GBP1: variants seen among roughly 807,000 people sequenced by gnomAD.
The protein encoded by GBP1 is guanylate-binding protein 1.
In GBP1, 64 loss-of-function variants were observed where a neutral mutation model predicts 69.5. The ratio of observed to expected loss-of-function variants is 0.92; its 90% CI spans 0.75 to 1.13. The LOEUF is 1.13. GBP1 is among the 50% of genes most tolerant of loss of function. GBP1 has a pLI of 0.00. For synonymous variants in GBP1, 250 were observed against 261.2 expected (o/e 0.96, Z 0.41); for missense variants, 630 against 704.1 (o/e 0.89, Z 1.19).
Position 89,053,241 on chromosome 1 carries a change from C to A in GBP1, c.*114G>T. On this transcript the variant is annotated 3_prime_UTR_variant, in exon 11 of 11. Coordinates refer to ENST00000370473, the MANE Select transcript of GBP1 (RefSeq NM_002053.3). Reference sequence around the variant, plus strand: ...TCATTGTACCACATGCCTTTATAAACTTTTGGTGTTATGATGCAAGATCTA... The same window carrying A: ...TCATTGTACCACATGCCTTTATAAAATTTTGGTGTTATGATGCAAGATCTA... The A allele has an allele frequency of 9.6e-6, 6 of 627,370 alleles. No homozygotes were observed. The highest frequency in any genetic ancestry group is 1.3e-5 in the Non-Finnish European group (5 of 377,128). The allele number at this position is 627,370 out of a possible 1,614,324, so 38.9% of individuals were successfully genotyped here. A position where few individuals can be genotyped will look rare whatever the true frequency, so the allele number is the denominator to read the frequency against.
intron 2 of GBP1, among the ~76,000 whole-genome samples, chr1:89,062,244 CA>C (rs1680219083): frequency 6.6e-6 from 1 of 152,064 alleles, no homozygotes; most frequent in Admixed American, 6.6e-5. Flanking sequence ...TTATAATAGA[CA>C]AAAGGTGGAA....
rs372508569 is a variant in GBP1 at position 89,060,285 on chromosome 1, C to T, written c.230G>A (p.Gly77Glu). The T allele has an allele frequency of 6.2e-5, 100 of 1,602,244 alleles. No homozygotes were observed. The highest frequency in any genetic ancestry group is 8.2e-5 in the Non-Finnish European group (96 of 1,175,206). Residue 77 changes from glycine to glutamate, a missense_variant, in exon 3 of 11, where the codon GGA becomes GAA. By Grantham distance (98) the Gly-to-Glu change is moderately conservative (BLOSUM62 -2). Coordinates refer to ENST00000370473, the MANE Select transcript of GBP1 (RefSeq NM_002053.3). ...GTGGGGCACACACCACATCCAGATT[C>T]CTTTAGTGTGAGACTGCACCGTGGA... The part of the protein sequence containing the change: ...LGSTVQSHTK[G>E]IWMWCVPHPK...
At chr1:89,059,521 GTT>G in intron 3 of GBP1, 95 bp from the exon 4 acceptor site, 1 of 1,061,418 alleles carries the variant, frequency 9.4e-7, no homozygotes, top group Non-Finnish European at 1.3e-6. Context: ...ATGTTAGAGG[GTT>G]TTTTTTTCTT....
At chr1:89,064,738 G>T (rs1680293599) in intron 1 of GBP1, among the ~76,000 whole-genome samples, 1 of 152,162 alleles carries the variant, frequency 6.6e-6, no homozygotes, top group Non-Finnish European at 1.5e-5. Flanking sequence ...TCCATGAAAA[G>T]AACCCGTTTG....
intron 2 of GBP1, among the ~76,000 whole-genome samples, chr1:89,061,986 T>TAA (rs142975286): frequency 6.9e-6 from 1 of 144,760 alleles, no homozygotes; most frequent in African/African-American, 2.5e-5. Context: ...ATGGCCACTA[T>TAA]AAAAAAAAAA....
intron 1 of GBP1, 76 bp downstream of exon 1, chr1:89,065,084 G>C (rs1411966513): frequency 6.6e-6 from 1 of 152,170 alleles, no homozygotes; most frequent in Non-Finnish European, 1.5e-5. Context: ...CAACCTTATA[G>C]GTTCCATATC....
chr1:89,063,041 T>G lies in GBP1; in HGVS notation c.190+4A>C, dbSNP rs772849896. 6.2e-7 allele frequency: 1 copy of G among 1,614,046 alleles called. No homozygotes were observed. The highest frequency in any genetic ancestry group is 1.1e-5 in the South Asian group (1 of 91,080). On this transcript the variant is annotated splice_donor_region_variant and intron_variant, in intron 2 of 10. Coordinates refer to ENST00000370473, the MANE Select transcript of GBP1 (RefSeq NM_002053.3). ...CTTGGCAGAGCTTTGCTCATGCCAC[T>G]CACCCTTTTTCTTTCCAGCCAGCTT...
In GBP1 at chr1:89,058,194, G is replaced by C; in HGVS notation, c.672C>G (p.Leu224=). ...TCTTTGGGAAGAATTTCCGGATACA[G>C]AGTCTGGGCAGGTTAAAAGTTTCAT... ...QKDETFNLPR[L]CIRKFFPKKK... is the part of the protein sequence containing the mutation. The change falls in exon 6 of 11, where the codon CTC becomes CTG. Residue 224 remains leucine, a synonymous_variant. Coordinates refer to ENST00000370473, the MANE Select transcript of GBP1 (RefSeq NM_002053.3). The C allele has an allele frequency of 1.2e-6, 2 of 1,612,100 alleles. No individual in the cohort carries two copies. Among genetic ancestry groups the C allele is most frequent in the South Asian group, 2.2e-5 (2 of 90,702 alleles).
intron 2 of GBP1, chr1:89,062,718 A>T (rs1394482109): frequency 4.6e-6 from 1 of 217,190 alleles, no homozygotes; most frequent in Non-Finnish European, 9.3e-6. Flanking sequence ...ATCACTGTGA[A>T]CTCTGTTATT....
chr1:89,057,447 T>C (rs1680075671), intron 6 of GBP1, among the ~76,000 whole-genome samples: 1 of 152,258 alleles, frequency 6.6e-6, no homozygotes, highest in South Asian at 2.1e-4. Context: ...ACAGGAACCA[T>C]ATCTATTTCA....
intron 2 of GBP1, among the ~76,000 whole-genome samples, chr1:89,061,926 C>T (rs1340170350): frequency 1.3e-5 from 2 of 151,464 alleles, no homozygotes; most frequent in South Asian, 2.1e-4. Context: ...CTAGTCATTA[C>T]GGAAATCAAA....
Position 89,056,184 on chromosome 1 carries a change from C to G in GBP1, c.1200G>C (p.Gln400His), listed in dbSNP as rs138384050. The change falls in exon 8 of 11, where the codon CAG (glutamine) becomes CAC (histidine). Residue 400 changes from glutamine (Q) to histidine (H), a missense_variant. Gln to His is a conservative substitution (Grantham distance 24). Coordinates refer to ENST00000370473, the MANE Select transcript of GBP1 (RefSeq NM_002053.3). Reference sequence around the variant, plus strand: ...CTGAGCAACGATCTGATGATGCTTCCTGATTCTGTTTACAAAAGTCATCCC... The same window carrying G: ...CTGAGCAACGATCTGATGATGCTTCGTGATTCTGTTTACAAAAGTCATCCC... Reference protein sequence around the residue: ...KKRDDFCKQNQEASSDRCSAL... With the variant: ...KKRDDFCKQNHEASSDRCSAL... The G allele has an allele frequency of 8.7e-6, 14 of 1,613,806 alleles. No individual in the cohort carries two copies. The African/African-American group carries it at 1.7e-4, about 20-fold the overall frequency.
chr1:89,053,213 T>C lies in GBP1; in HGVS notation c.*142A>G, dbSNP rs951046031. The C allele has an allele frequency of 3.8e-6, 2 of 530,728 alleles. No homozygotes were observed. Among genetic ancestry groups the C allele is most frequent in the Non-Finnish European group, 6.5e-6 (2 of 307,522 alleles). The allele number at this position is 530,728 out of a possible 1,614,324, so 32.9% of individuals were successfully genotyped here. On this transcript the variant is annotated 3_prime_UTR_variant, in exon 11 of 11. Coordinates refer to ENST00000370473, the MANE Select transcript of GBP1 (RefSeq NM_002053.3). ...TTTTTTTTAAGAAAAAACATGATTT[T>C]GATCATTGTACCACATGCCTTTATA...
At chr1:89,058,558 C>G in intron 5 of GBP1, 1 of 551,546 alleles carries the variant, frequency 1.8e-6, no homozygotes, top group South Asian at 2.1e-5. Context: ...ACTCCATACT[C>G]TATGGCTAAG....
intron 6 of GBP1, 27 bp from the exon 7 acceptor site, chr1:89,057,161 T>C: frequency 6.2e-7 from 1 of 1,611,186 alleles, no homozygotes; most frequent in South Asian, 1.1e-5. Flanking sequence ...AATGATAATG[T>C]TTCTGGTGGT....
chr1:89,055,850 C>T (rs568780934), intron 8 of GBP1, 166 bp downstream of exon 8: 39 of 805,372 alleles, frequency 4.8e-5, no homozygotes, highest in South Asian at 4.6e-4. Context: ...TGATGAGCAC[C>T]TAGGACATAT....
intron 2 of GBP1, among the ~76,000 whole-genome samples, chr1:89,061,562 A>T (rs1303287163): frequency 6.6e-6 from 1 of 152,156 alleles, no homozygotes; most frequent in African/African-American, 2.4e-5. Flanking sequence ...TTGTAGAAGA[A>T]AATAAAGGGT....
At chr1:89,055,399 T>G (rs1479726061) in intron 8 of GBP1, 184 bp from the exon 9 acceptor site, 13 of 912,078 alleles carry the variant, frequency 1.4e-5, no homozygotes, top group Non-Finnish European at 1.8e-5. Context: ...AACATCCTAC[T>G]TAGCAGTCAT....
chr1:89,059,176 T>A (rs1680118692), intron 4 of GBP1, 133 bp from the exon 5 acceptor site: 1 of 1,588,478 alleles, frequency 6.3e-7, no homozygotes, highest in Non-Finnish European at 8.6e-7. Context: ...AGTGGATACA[T>A]GGGATCTCTC....
Sources: allele counts gnomAD v4.1 joint callset (sites outside exome capture counted in the v4.1 genomes callset), GRCh38; gene constraint gnomAD v4.1.1; transcripts MANE v1.5; gene names NCBI Gene and HGNC (gene_info 2026-07-23, HGNC 2026-07-21).